MYRIP: variants seen among roughly 807,000 people sequenced by gnomAD.
MYRIP encodes the protein rab effector MyRIP.
Under a neutral mutation model 98.0 loss-of-function variants are expected in MYRIP, and 49 were observed. The ratio of observed to expected loss-of-function variants is 0.50; its 90% confidence interval spans 0.40 to 0.63. The LOEUF is 0.63. MYRIP is among the 30% of genes least tolerant of loss of function. The pLI is 0.00. For missense variants in MYRIP, 1,004 were observed against 1,058.2 expected (o/e 0.95, Z 0.71); for synonymous variants, 404 against 409.5 (o/e 0.99, Z 0.16).
intron 2 of MYRIP, among the ~76,000 whole-genome samples, chr3:39,938,570 T>G (rs952478610): frequency 6.6e-6 from 1 of 152,174 alleles, no homozygotes; most frequent in African/African-American, 2.4e-5. Context: ...GTTGTACCAG[T>G]TTACACTCCC....
intron 3 of MYRIP, among the ~76,000 whole-genome samples, chr3:40,117,807 G>T (rs1949314922): frequency 6.6e-6 from 1 of 152,200 alleles, no homozygotes; most frequent in Non-Finnish European, 1.5e-5. Flanking sequence ...TTAGAGCAAA[G>T]ACTTCAGCAT....
At chr3:39,915,192 G>T (rs544556628) in intron 2 of MYRIP, among the ~76,000 whole-genome samples, 1 of 151,990 alleles carries the variant, frequency 6.6e-6, no homozygotes, top group Non-Finnish European at 1.5e-5. Context: ...AATCTGGCTC[G>T]TCCTCCAACA....
chr3:39,956,336 C>A (rs1203324058), intron 2 of MYRIP, among the ~76,000 whole-genome samples: 2 of 152,168 alleles, frequency 1.3e-5, no homozygotes, highest in African/African-American at 4.8e-5. Flanking sequence ...GTGTCTCAGA[C>A]CACAGTGCAA....
intron 2 of MYRIP, among the ~76,000 whole-genome samples, chr3:39,924,825 AAC>A (rs995185159): frequency 6.6e-5 from 10 of 152,030 alleles, no homozygotes; most frequent in African/African-American, 2.4e-4. Context: ...AAAATCTACA[AAC>A]ACACTGAAAC....
At chr3:39,878,338 G>T (rs1024765287) in intron 1 of MYRIP, among the ~76,000 whole-genome samples, 1 of 152,174 alleles carries the variant, frequency 6.6e-6, no homozygotes, top group Admixed American at 6.5e-5. Flanking sequence ...CTCGAGCACA[G>T]TGCGCTGCAC....
chr3:40,019,687 G>A (rs1229949293), intron 2 of MYRIP, among the ~76,000 whole-genome samples: 1 of 151,594 alleles, frequency 6.6e-6, no homozygotes, highest in Non-Finnish European at 1.5e-5. Flanking sequence ...ATGAATGAAT[G>A]TTCCAGGAAT....
intron 2 of MYRIP, among the ~76,000 whole-genome samples, chr3:39,977,913 C>A (rs1224325607): frequency 6.6e-6 from 1 of 152,126 alleles, no homozygotes; most frequent in African/African-American, 2.4e-5. Flanking sequence ...AGAAATCATT[C>A]ATTTATCAAT....
intron 1 of MYRIP, among the ~76,000 whole-genome samples, chr3:39,881,996 A>G (rs1462616320): frequency 1.3e-5 from 2 of 152,098 alleles, no homozygotes; most frequent in African/African-American, 4.8e-5. Flanking sequence ...AGCATAGGAA[A>G]TGAATGTTTT....
At chr3:39,915,817 T>A (rs7635108) in intron 2 of MYRIP, among the ~76,000 whole-genome samples, 66,877 of 151,506 alleles carry the variant, frequency 0.44, 14,991 homozygotes, top group East Asian at 0.54. Flanking sequence ...ACCAGGCCCA[T>A]ATCTAAACAA....
chr3:40,069,776 C>T (rs568715362), intron 3 of MYRIP, among the ~76,000 whole-genome samples: 1 of 152,276 alleles, frequency 6.6e-6, no homozygotes, highest in East Asian at 1.9e-4. Context: ...TTACGGTGTG[C>T]GGAGAGGGAT....
In MYRIP at chr3:40,258,314, A is replaced by AT. The variant is rs570226416; in HGVS notation, c.*149dup. The AT allele has an allele frequency of 2.9e-3, 2,485 of 852,240 alleles. 13 individuals carry two copies. The highest frequency in any genetic ancestry group is 5.7e-3 in the Admixed American group (278 of 48,966). 52.8% of individuals were successfully genotyped at this position (852,240 alleles called of 1,614,324 possible). A position where few individuals can be genotyped will look rare whatever the true frequency, so the allele number is the denominator to read the frequency against. ...TGCACCATTGCACAGGGCTGTCCTG[A>AT]TACCTCATCCAGAAAGCCGTCTCAG... is the stretch of plus-strand genomic sequence containing the variant. On this transcript the variant is annotated 3_prime_UTR_variant, in exon 17 of 17. Coordinates refer to ENST00000302541, the MANE Select transcript of MYRIP (RefSeq NM_015460.4).
intron 2 of MYRIP, among the ~76,000 whole-genome samples, chr3:39,981,779 G>A (rs1945902314): frequency 6.6e-6 from 1 of 152,126 alleles, no homozygotes; most frequent in Non-Finnish European, 1.5e-5. Flanking sequence ...ATACAGCTAA[G>A]AGCCAATTTA....
At chr3:40,232,170 A>G (rs1218253890) in intron 11 of MYRIP, among the ~76,000 whole-genome samples, 1 of 152,156 alleles carries the variant, frequency 6.6e-6, no homozygotes, top group Admixed American at 6.5e-5. Flanking sequence ...GGTATGTAGC[A>G]AAGCCCCCTG....
intron 4 of MYRIP, among the ~76,000 whole-genome samples, chr3:40,157,971 A>G (rs1383418980): frequency 6.6e-6 from 1 of 152,056 alleles, no homozygotes; most frequent in Non-Finnish European, 1.5e-5. Flanking sequence ...TATTTTTTGA[A>G]GGGTTTTTTG....
chr3:40,054,504 G>A (rs551141299), intron 3 of MYRIP, among the ~76,000 whole-genome samples: 1 of 152,238 alleles, frequency 6.6e-6, no homozygotes, highest in Admixed American at 6.5e-5. Flanking sequence ...ATATTTTTTA[G>A]ATAAATTAAT....
intron 3 of MYRIP, among the ~76,000 whole-genome samples, chr3:40,095,342 T>C (rs1362261078): frequency 6.6e-6 from 1 of 152,130 alleles, no homozygotes; most frequent in Non-Finnish European, 1.5e-5. Flanking sequence ...TGAGTCCGCT[T>C]CTAGCTTCTG....
chr3:39,825,996 G>A (rs547240749), intron 1 of MYRIP, among the ~76,000 whole-genome samples: 1 of 151,980 alleles, frequency 6.6e-6, no homozygotes, highest in Admixed American at 6.5e-5. Flanking sequence ...TCTCTCATGA[G>A]CCTTTGCATT....
At chr3:40,014,716 G>A (rs1218783808) in intron 2 of MYRIP, among the ~76,000 whole-genome samples, 2 of 152,180 alleles carry the variant, frequency 1.3e-5, no homozygotes, top group East Asian at 3.9e-4. Flanking sequence ...ATTTTATAAT[G>A]AGGCTCAAAG....
intron 2 of MYRIP, among the ~76,000 whole-genome samples, chr3:39,905,113 T>C (rs949913700): frequency 6.6e-6 from 1 of 152,220 alleles, no homozygotes; most frequent in South Asian, 2.1e-4. Context: ...GGGTTTTATC[T>C]AGATTACTCA....
Sources: allele counts gnomAD v4.1 joint callset (sites outside exome capture counted in the v4.1 genomes callset), GRCh38; gene constraint gnomAD v4.1.1; transcripts MANE v1.5; gene names NCBI Gene and HGNC (gene_info 2026-07-23, HGNC 2026-07-21).